POLR1E: variants seen among roughly 807,000 people sequenced by gnomAD.
POLR1E encodes RNA polymerase I subunit E, also known as DNA-directed RNA polymerase I subunit RPA49.
Under a neutral mutation model 50.9 loss-of-function variants are expected in POLR1E, and 37 were observed. That is an observed-to-expected ratio of 0.73 (90% CI 0.56 to 0.96). The LOEUF is 0.96. Among genes scored for constraint, POLR1E ranks in the 40% least tolerant of loss-of-function variants. The pLI is 0.00. For synonymous variants in POLR1E, 166 were observed against 191.6 expected (o/e 0.87, Z 1.10); for missense variants, 426 against 518.1 (o/e 0.82, Z 1.73).
At chr9:37,490,797 T>G in intron 4 of POLR1E, 1 of 613,360 alleles carries the variant, frequency 1.6e-6, no homozygotes, top group East Asian at 3.9e-5. Context: ...TTCTTATAGA[T>G]TCACATATAT....
Position 37,486,905 on chromosome 9 carries a change from T to C in POLR1E, c.180+99T>C, listed in dbSNP as rs938840900. On this transcript the variant is annotated intron_variant, in intron 2 of 11. Transcript: ENST00000377798. ...GGGAGTGAGGGGAGAAAAAGGGGAG[T>C]AGTAGCAAATGGAGCTTTGAAGAAC... 3.6e-6 allele frequency: 5 copies of C among 1,397,896 alleles called. No individual in the cohort carries two copies. In the African/African-American group the frequency reaches 7.2e-5, roughly 20 times the overall value. 86.6% of individuals were successfully genotyped at this position (1,397,896 alleles called of 1,614,324 possible). A position where few individuals can be genotyped will look rare whatever the true frequency, so the allele number is the denominator to read the frequency against.
rs7867180 is a variant in POLR1E, at chr9:37,501,810, G to A, written c.1066G>A (p.Val356Met). The change falls in exon 11 of 12, where the codon GTG (valine) becomes ATG (methionine). Residue 356 changes from valine to methionine, a missense_variant. Transcript: ENST00000377798. ...HIHDFQIDLTVLQRDLKLSEK... is the reference protein window; with the variant it reads ...HIHDFQIDLTMLQRDLKLSEK... ...ACATGACTTCCAAATTGACCTGACA[G>A]TGTTACAGAGGGACTTGAAGCTCAG... 0.012 allele frequency: 19,767 copies of A among 1,613,922 alleles called. 1,947 individuals are homozygous for A. In the African/African-American group the frequency reaches 0.23, roughly 18 times the overall value.
At chr9:37,488,298 G>A (rs17411847) in intron 3 of POLR1E, among the ~76,000 whole-genome samples, 12,500 of 152,236 alleles carry the variant, frequency 0.082, 687 homozygotes, top group East Asian at 0.15. Context: ...TAGTGTTGAA[G>A]GCTCTGGACT....
chr9:37,488,205 C>T (rs1290816949), intron 3 of POLR1E, among the ~76,000 whole-genome samples: 1 of 152,218 alleles, frequency 6.6e-6, no homozygotes, highest in Non-Finnish European at 1.5e-5. Context: ...AGGCAGGTCT[C>T]TCCATTAATT....
intron 9 of POLR1E, among the ~76,000 whole-genome samples, chr9:37,498,753 A>G (rs1820827665): frequency 6.6e-6 from 1 of 152,154 alleles, no homozygotes; most frequent in Admixed American, 6.5e-5. Flanking sequence ...CCTCATACCT[A>G]CCCAGAGTTG....
chr9:37,490,785 C>T, intron 4 of POLR1E: 1 of 625,372 alleles, frequency 1.6e-6, no homozygotes. Flanking sequence ...ACGATATCAC[C>T]TTTCTTATAG....
rs747002007 is a variant in POLR1E, at chr9:37,501,879, T to C, written c.1100+35T>C. 1.4e-5 allele frequency: 22 copies of C among 1,587,676 alleles called. No homozygotes were observed. The Admixed American group carries it at 4.0e-4, about 29-fold the overall frequency. ...ACAGAATAAAGAGCTCCCTGCAGGG[T>C]GTCTCGATGTCTTATTTCTGGTACC... On this transcript the variant is annotated intron_variant, in intron 11 of 11. Coordinates refer to ENST00000377798, the MANE Select transcript of POLR1E (RefSeq NM_022490.4).
chr9:37,501,829 A>G lies in POLR1E; in HGVS notation c.1085A>G (p.Lys362Arg), dbSNP rs753720025. Reference sequence around the variant, plus strand: ...CTGACAGTGTTACAGAGGGACTTGAAGCTCAGTGAGAAAAGGTGAGCACAA... The same window carrying G: ...CTGACAGTGTTACAGAGGGACTTGAGGCTCAGTGAGAAAAGGTGAGCACAA... The part of the protein sequence containing the change: ...IDLTVLQRDL[K>R]LSEKRMMEIA... Residue 362 changes from lysine to arginine, a missense_variant, in exon 11 of 12, where the codon AAG (lysine) becomes AGG (arginine). Coordinates refer to ENST00000377798, the MANE Select transcript of POLR1E (RefSeq NM_022490.4). 6.2e-7 allele frequency: 1 copy of G among 1,613,794 alleles called. No individual in the cohort carries two copies. The highest frequency in any genetic ancestry group is 1.1e-5 in the South Asian group (1 of 90,992).
At chr9:37,487,413 G>T (rs1318579049) in intron 2 of POLR1E, among the ~76,000 whole-genome samples, 1 of 152,228 alleles carries the variant, frequency 6.6e-6, no homozygotes, top group Non-Finnish European at 1.5e-5. Context: ...AACGTTTGGT[G>T]TTTCGAGTGA....
At chr9:37,491,458 T>G (rs2119003860) in intron 4 of POLR1E, among the ~76,000 whole-genome samples, 1 of 146,664 alleles carries the variant, frequency 6.8e-6, no homozygotes, top group South Asian at 2.1e-4. Context: ...TATGGGATTT[T>G]ATACATAATT....
At chr9:37,493,191 G>A (rs1030276623) in intron 5 of POLR1E, among the ~76,000 whole-genome samples, 2 of 152,156 alleles carry the variant, frequency 1.3e-5, no homozygotes, top group Non-Finnish European at 2.9e-5. Flanking sequence ...TTTGCTTCAG[G>A]GGGAAGGAGT....
chr9:37,498,740 C>T (rs1476059310), intron 9 of POLR1E, among the ~76,000 whole-genome samples: 1 of 152,204 alleles, frequency 6.6e-6, no homozygotes, highest in South Asian at 2.1e-4. Flanking sequence ...TTGCGGGTCA[C>T]ACCCTCATAC....
In POLR1E at chr9:37,498,097, C is replaced by T. The variant is rs1340584863; in HGVS notation, c.759C>T (p.Cys253=). The change falls in exon 9 of 12, where the codon TGC becomes TGT. Residue 253 remains cysteine, a synonymous_variant. Transcript: ENST00000377798. ...TTTCTTTTCCTTGTTTTAGCCATTGCACCTTTGTCATAGAAGCGTTGAAGT... is the reference window on the plus strand; with the variant it reads ...TTTCTTTTCCTTGTTTTAGCCATTGTACCTTTGTCATAGAAGCGTTGAAGT... ...ILKMIEENSH[C]TFVIEALKSL... The T allele has an allele frequency of 2.5e-6, 4 of 1,613,558 alleles. No homozygotes were observed. In the African/African-American group the frequency reaches 4.0e-5, roughly 16 times the overall value.
intron 8 of POLR1E, among the ~76,000 whole-genome samples, chr9:37,496,223 C>G (rs550625200): frequency 6.6e-6 from 1 of 152,096 alleles, no homozygotes; most frequent in Admixed American, 6.6e-5. Context: ...GGTGGTGAGG[C>G]CTTCTACTCT....
At chr9:37,495,094 G>A in intron 6 of POLR1E, 75 bp from the exon 7 acceptor site, 1 of 1,264,436 alleles carries the variant, frequency 7.9e-7, no homozygotes, top group Non-Finnish European at 1.2e-6. Flanking sequence ...GTGGTCTGAA[G>A]TGCACAGACT....
At position 37,493,911 on chromosome 9, in the gene POLR1E, C is replaced by T. The variant is rs555776469; in HGVS notation, c.547+208C>T. 2.0e-5 allele frequency among the ~76,000 whole-genome samples: 3 copies of T among 152,292 alleles called. No individual in the cohort carries two copies. The East Asian group carries it at 5.8e-4, about 29-fold the overall frequency. ...TCTTCTAGTGATCCACAGTCAAGTA[C>T]AGGGACAGGCATGGAATGGATACAT... On this transcript the variant is annotated intron_variant, in intron 6 of 11. Transcript: ENST00000377798.
intron 9 of POLR1E, among the ~76,000 whole-genome samples, chr9:37,500,481 G>A (rs1472915127): frequency 2.0e-5 from 3 of 152,124 alleles, no homozygotes; most frequent in African/African-American, 2.4e-5. Context: ...CACCGCGCCT[G>A]GCCACTTAGT....
rs754418902 is a variant in POLR1E, at chr9:37,492,686, G to A, written c.373G>A (p.Glu125Lys). 1.2e-6 allele frequency: 2 copies of A among 1,614,034 alleles called. No individual in the cohort carries two copies. The highest frequency in any genetic ancestry group is 2.2e-5 in the South Asian group (2 of 91,054). ...DVSVESELAL[E>K]SQTKTYREKM... Reference sequence around the variant, plus strand: ...ATCAGTTGAGAGTGAACTGGCGCTAGAGAGTCAGACCAAAACTTACAGAGA... The same window carrying A: ...ATCAGTTGAGAGTGAACTGGCGCTAAAGAGTCAGACCAAAACTTACAGAGA... Residue 125 changes from glutamate (E) to lysine (K), a missense_variant, in exon 5 of 12, where the codon GAG (glutamate) becomes AAG (lysine). Glu to Lys is a moderately conservative substitution (Grantham distance 56, BLOSUM62 1). Transcript: ENST00000377798.
Position 37,496,104 on chromosome 9 carries a change from A to G in POLR1E, c.752+118A>G, listed in dbSNP as rs1820780969. ...TGAGGAAGTGTGTCTGGAGCATTGG[A>G]CATGAATGAGCCAGTGTTTTCTTGA... On this transcript the variant is annotated intron_variant, in intron 8 of 11. Coordinates refer to ENST00000377798, the MANE Select transcript of POLR1E (RefSeq NM_022490.4). 34 of 701,440 alleles carry G rather than the reference A, an allele frequency of 4.8e-5. No individual in the cohort carries two copies. In the South Asian group the frequency reaches 5.4e-4, roughly 11 times the overall value. 43.5% of individuals were successfully genotyped at this position (701,440 alleles called of 1,614,324 possible).
Sources: allele counts gnomAD v4.1 joint callset (sites outside exome capture counted in the v4.1 genomes callset), GRCh38; gene constraint gnomAD v4.1.1; transcripts MANE v1.5; gene names NCBI Gene and HGNC (gene_info 2026-07-23, HGNC 2026-07-21).